HMGB1: variants seen among roughly 807,000 people sequenced by gnomAD.
The protein encoded by HMGB1 is high mobility group protein B1.
For synonymous variants in HMGB1, 81 were observed against 84.0 expected, an observed-to-expected ratio of 0.96 and a Z score of 0.19; for missense variants, 79 against 253.5, an observed-to-expected ratio of 0.31 and a Z score of 4.67.
intron 1 of HMGB1, among the ~76,000 whole-genome samples, chr13:30,535,694 A>G (rs1868399325): frequency 6.6e-6 from 1 of 152,242 alleles, no homozygotes; most frequent in Non-Finnish European, 1.5e-5. Context: ...GTTCGAAACC[A>G]GCCTGGCCAA....
intron 1 of HMGB1, among the ~76,000 whole-genome samples, chr13:30,596,830 T>C (rs550089292): frequency 6.6e-6 from 1 of 152,306 alleles, no homozygotes; most frequent in Admixed American, 6.5e-5. Flanking sequence ...TGCTCCATGA[T>C]TAACGGAAGG....
intron 1 of HMGB1, among the ~76,000 whole-genome samples, chr13:30,584,185 TAA>T (rs1471050322): frequency 6.6e-6 from 1 of 152,212 alleles, no homozygotes; most frequent in Non-Finnish European, 1.5e-5. Flanking sequence ...TCATGCCAAC[TAA>T]GTCTCTGAAC....
In HMGB1 at chr13:30,460,125, TG is replaced by T. The variant is rs1886219230; in HGVS notation, c.*1231del. The T allele has an allele frequency of 6.6e-6, 1 of 152,602 alleles. No homozygotes were observed. The highest frequency in any genetic ancestry group is 2.1e-4 in the South Asian group (1 of 4,836). 9.5% of individuals were successfully genotyped at this position (152,602 alleles called of 1,614,324 possible). A position where few individuals can be genotyped will look rare whatever the true frequency, so the allele number is the denominator to read the frequency against. Reference sequence around the variant, plus strand: ...ACATGACTAATGAATGAGTTTGTTTTGTAAAGAAAAATCATTCAAATAAATT... The same window carrying T: ...ACATGACTAATGAATGAGTTTGTTTTTAAAGAAAAATCATTCAAATAAATT... On this transcript the variant is annotated 3_prime_UTR_variant, in exon 5 of 5. Coordinates refer to ENST00000341423, the MANE Select transcript of HMGB1 (RefSeq NM_002128.7).
chr13:30,558,489 C>T (rs1555240875), intron 1 of HMGB1, among the ~76,000 whole-genome samples: 1 of 151,670 alleles, frequency 6.6e-6, no homozygotes, highest in Non-Finnish European at 1.5e-5. Flanking sequence ...GAAATGAAAA[C>T]ATAAGTCATG....
At chr13:30,570,585 C>T (rs549957044) in intron 1 of HMGB1, among the ~76,000 whole-genome samples, 79 of 152,304 alleles carry the variant, frequency 5.2e-4, no homozygotes, top group African/African-American at 1.8e-3. Flanking sequence ...TTTTGTAAAT[C>T]ATCTTTCTAC....
intron 1 of HMGB1, among the ~76,000 whole-genome samples, chr13:30,579,417 G>C (rs2137541303): frequency 6.6e-6 from 1 of 152,262 alleles, no homozygotes; most frequent in East Asian, 1.9e-4. Flanking sequence ...TTTAAAAGAG[G>C]CTTGGAAAAC....
At chr13:30,480,582 A>C (rs938947016) in intron 1 of HMGB1, among the ~76,000 whole-genome samples, 1 of 152,134 alleles carries the variant, frequency 6.6e-6, no homozygotes, top group African/African-American at 2.4e-5. Flanking sequence ...CCAGTTTCAC[A>C]GGAGCAGTGT....
chr13:30,567,901 G>A (rs1222549051), intron 1 of HMGB1, among the ~76,000 whole-genome samples: 3 of 152,216 alleles, frequency 2.0e-5, no homozygotes, highest in Non-Finnish European at 4.4e-5. Context: ...TGACACACTT[G>A]AAGAAGACAA....
At chr13:30,596,884 A>G (rs147149273) in intron 1 of HMGB1, among the ~76,000 whole-genome samples, 1 of 152,368 alleles carries the variant, frequency 6.6e-6, no homozygotes, top group East Asian at 1.9e-4. Context: ...ACAAACAAGT[A>G]TTACACTTGA....
At chr13:30,540,026 C>A in intron 1 of HMGB1, 1 of 156,532 alleles carries the variant, frequency 6.4e-6, no homozygotes, top group South Asian at 1.8e-4. Flanking sequence ...GAGTGATGGT[C>A]AATCTCTCCT....
intron 1 of HMGB1, among the ~76,000 whole-genome samples, chr13:30,500,149 C>T (rs754162631): frequency 6.6e-6 from 1 of 152,122 alleles, no homozygotes; most frequent in Non-Finnish European, 1.5e-5. Flanking sequence ...CTCTTGCAGT[C>T]TCTTTTGCAT....
intron 1 of HMGB1, among the ~76,000 whole-genome samples, chr13:30,548,888 C>T (rs1869289384): frequency 6.6e-6 from 1 of 152,190 alleles, no homozygotes; most frequent in African/African-American, 2.4e-5. Context: ...ATTGTGCAGA[C>T]AGCTGGAAGC....
At chr13:30,582,471 C>T (rs1014405920) in intron 1 of HMGB1, among the ~76,000 whole-genome samples, 1 of 151,572 alleles carries the variant, frequency 6.6e-6, no homozygotes, top group African/African-American at 2.4e-5. Context: ...ACCCCGTCTC[C>T]ACTAAAAATA....
In HMGB1 at chr13:30,465,892, C is replaced by T; in HGVS notation, c.-111G>A. ...CAATGTACTGCAATGGCTGTGAGAGCGGGAGCCAGACGCAGCCTCCTCACT... is the reference window on the plus strand; with the variant it reads ...CAATGTACTGCAATGGCTGTGAGAGTGGGAGCCAGACGCAGCCTCCTCACT... On this transcript the variant is annotated 5_prime_UTR_variant, in exon 1 of 5. Transcript: ENST00000341423. 1.0e-6 allele frequency: 1 copy of T among 985,722 alleles called. No individual in the cohort carries two copies. Among genetic ancestry groups the T allele is most frequent in the Non-Finnish European group, 1.2e-6 (1 of 829,792 alleles). 61.1% of individuals were successfully genotyped at this position (985,722 alleles called of 1,614,324 possible).
At chr13:30,540,258 C>A in intron 1 of HMGB1, 1 of 180,522 alleles carries the variant, frequency 5.5e-6, no homozygotes, top group East Asian at 1.3e-4. Flanking sequence ...AGGGACGCTC[C>A]TCTTTTCTCT....
intron 1 of HMGB1, among the ~76,000 whole-genome samples, chr13:30,487,384 A>G (rs1887388289): frequency 6.6e-6 from 1 of 152,246 alleles, no homozygotes; most frequent in Non-Finnish European, 1.5e-5. Flanking sequence ...TTTGTTGAAC[A>G]GGCTTCTTTA....
In HMGB1 at chr13:30,459,232, G is replaced by A. The variant is rs937643998; in HGVS notation, c.*2125C>T. On this transcript the variant is annotated 3_prime_UTR_variant, in exon 5 of 5. Transcript: ENST00000341423. Reference sequence around the variant, plus strand: ...TGAGTTTTAGACATCCAACTTCTAGGGGATACTGTTAGAACACCAAACCAT... The same window carrying A: ...TGAGTTTTAGACATCCAACTTCTAGAGGATACTGTTAGAACACCAAACCAT... 1 of 152,006 alleles carries A rather than the reference G, an allele frequency of 6.6e-6. No individual in the cohort carries two copies. Among genetic ancestry groups the A allele is most frequent in the Non-Finnish European group, 1.5e-5 (1 of 68,008 alleles). 9.4% of individuals were successfully genotyped at this position (152,006 alleles called of 1,614,324 possible). A position where few individuals can be genotyped will look rare whatever the true frequency, so the allele number is the denominator to read the frequency against.
chr13:30,509,440 T>C (rs1887942390), intron 1 of HMGB1, among the ~76,000 whole-genome samples: 2 of 152,082 alleles, frequency 1.3e-5, no homozygotes, highest in South Asian at 2.1e-4. Context: ...GGTTTCGCAA[T>C]GTTGGCCAGC....
chr13:30,605,780 A>G (rs17681922), intron 1 of HMGB1, among the ~76,000 whole-genome samples: 6,555 of 152,292 alleles, frequency 0.043, 187 homozygotes, highest in Middle Eastern at 0.068. Flanking sequence ...ATGCAAACAT[A>G]TAAAAAAGCT....
Sources: allele counts gnomAD v4.1 joint callset (sites outside exome capture counted in the v4.1 genomes callset), GRCh38; gene constraint gnomAD v4.1.1; transcripts MANE v1.5; gene names NCBI Gene and HGNC (gene_info 2026-07-23, HGNC 2026-07-21).